Variants in PXDNL observed in about 807,000 individuals in gnomAD.
PXDNL encodes the protein probable oxidoreductase PXDNL.
A neutral mutation model predicts 150.8 loss-of-function variants in PXDNL; 145 were observed. The ratio of observed to expected loss-of-function variants is 0.96; its 90% CI spans 0.84 to 1.10. The LOEUF (loss-of-function observed/expected upper bound fraction) is 1.10, where lower values mean the gene tolerates loss of function less well. PXDNL is among the 50% of genes least tolerant of loss of function. The pLI is 0.00. For synonymous variants in PXDNL, 757 were observed against 725.7 expected (o/e 1.04, Z -0.69); for missense variants, 2,087 against 1,873.9 (o/e 1.11, Z -2.10).
intron 2 of PXDNL, among the ~76,000 whole-genome samples, chr8:51,630,621 C>T (rs1814469383): frequency 6.6e-6 from 1 of 151,958 alleles, no homozygotes; most frequent in Non-Finnish European, 1.5e-5. Flanking sequence ...AAAAAGTAGG[C>T]AAGGGACATA....
intron 1 of PXDNL, among the ~76,000 whole-genome samples, chr8:51,793,670 C>T (rs2037533552): frequency 6.6e-6 from 1 of 152,108 alleles, no homozygotes. Flanking sequence ...GGTCAGATCA[C>T]TAGAGGTCAG....
At chr8:51,775,025 T>C (rs1277880319) in intron 1 of PXDNL, among the ~76,000 whole-genome samples, 2 of 152,208 alleles carry the variant, frequency 1.3e-5, no homozygotes, top group African/African-American at 4.8e-5. Flanking sequence ...AACAGAATGA[T>C]TTATTTCCTT....
chr8:51,627,608 A>T (rs1168328808), intron 2 of PXDNL, among the ~76,000 whole-genome samples: 1 of 152,206 alleles, frequency 6.6e-6, no homozygotes, highest in Non-Finnish European at 1.5e-5. Context: ...ACATTAAAAT[A>T]TCAAGCAGTA....
intron 1 of PXDNL, among the ~76,000 whole-genome samples, chr8:51,732,856 T>C (rs981565701): frequency 1.3e-5 from 2 of 152,128 alleles, no homozygotes; most frequent in Admixed American, 1.3e-4. Flanking sequence ...ATAATTTAAT[T>C]ACCTCCCACT....
At chr8:51,577,510 G>A (rs73588750) in intron 3 of PXDNL, among the ~76,000 whole-genome samples, 7,568 of 148,634 alleles carry the variant, frequency 0.051, 453 homozygotes, top group African/African-American at 0.15. Flanking sequence ...CAAAGAACAA[G>A]AGAGAGAAAA....
At position 51,530,246 on chromosome 8, in the gene PXDNL, C is replaced by T. The variant is rs188303155; in HGVS notation, c.380+26594G>A. ...GATGAGATGGATTAGGGAGAGTATA[C>T]CTAGCGGCAAAAAGGGATCTAGCGA... On this transcript the variant is annotated intron_variant, in intron 4 of 22. Transcript: ENST00000356297. Among the ~76,000 whole-genome samples the T allele has an allele frequency of 1.5e-3, 232 of 152,118 alleles. 2 individuals carry two copies. Among genetic ancestry groups the T allele is most frequent in the Middle Eastern group, 6.8e-3 (2 of 294 alleles).
At chr8:51,585,311 G>A (rs1813299152) in intron 3 of PXDNL, among the ~76,000 whole-genome samples, 1 of 152,134 alleles carries the variant, frequency 6.6e-6, no homozygotes, top group Non-Finnish European at 1.5e-5. Context: ...TGGGAGCCAG[G>A]AGCATCTACA....
chr8:51,453,578 G>A lies in PXDNL; in HGVS notation c.1190C>T (p.Thr397Ile). 2 of 1,614,014 alleles carry A rather than the reference G, an allele frequency of 1.2e-6. No homozygotes were observed. Among genetic ancestry groups the A allele is most frequent in the Non-Finnish European group, 1.7e-6 (2 of 1,179,884 alleles). The stretch of plus-strand genomic sequence containing the variant: ...GCCGTGGCTATTGTTGGCATGACAG[G>A]TAAATCGACCATGATCCCGTTGTGT... ...NITQRDHGRFTCHANNSHGTV... is the reference protein window; with the variant it reads ...NITQRDHGRFICHANNSHGTV... Residue 397 changes from threonine to isoleucine, a missense_variant, in exon 10 of 23, where the codon ACC (threonine) becomes ATC (isoleucine). Transcript: ENST00000356297.
intron 1 of PXDNL, among the ~76,000 whole-genome samples, chr8:51,768,033 CAG>C (rs2037250444): frequency 6.6e-6 from 1 of 152,166 alleles, no homozygotes; most frequent in African/African-American, 2.4e-5. Context: ...TCCTGATTTT[CAG>C]AGTTACCATG....
intron 17 of PXDNL, among the ~76,000 whole-genome samples, chr8:51,394,345 A>G (rs2130847407): frequency 6.6e-6 from 1 of 152,374 alleles, no homozygotes; most frequent in Admixed American, 6.5e-5. Flanking sequence ...CTAAGAGGTT[A>G]ACAAGAAAAA....
At chr8:51,745,271 G>T (rs2036970540) in intron 1 of PXDNL, among the ~76,000 whole-genome samples, 1 of 151,982 alleles carries the variant, frequency 6.6e-6, no homozygotes, top group South Asian at 2.1e-4. Flanking sequence ...TAATTCAATG[G>T]TATGTCAAGA....
chr8:51,417,964 C>T (rs765085956), intron 14 of PXDNL, among the ~76,000 whole-genome samples: 7 of 152,136 alleles, frequency 4.6e-5, no homozygotes, highest in Admixed American at 6.5e-5. Flanking sequence ...TAGATTAAGA[C>T]GTTTTATTTG....
chr8:51,660,182 G>A (rs553618139), intron 1 of PXDNL, among the ~76,000 whole-genome samples: 5 of 98,570 alleles, frequency 5.1e-5, no homozygotes, highest in African/African-American at 1.6e-4. Flanking sequence ...GAGCCACCGC[G>A]CCCAGCCCAC....
At chr8:51,769,615 T>C (rs528623110) in intron 1 of PXDNL, among the ~76,000 whole-genome samples, 4 of 152,356 alleles carry the variant, frequency 2.6e-5, no homozygotes, top group African/African-American at 7.2e-5. Flanking sequence ...ATCATAGATA[T>C]TTCACACTAA....
At chr8:51,359,121 C>T (rs1806628433) in intron 19 of PXDNL, among the ~76,000 whole-genome samples, 1 of 149,738 alleles carries the variant, frequency 6.7e-6, no homozygotes, top group Admixed American at 6.8e-5. Context: ...TAGGTTTCTG[C>T]CATGGAGATA....
chr8:51,434,592 A>T, intron 12 of PXDNL, among the ~76,000 whole-genome samples: 1 of 152,254 alleles, frequency 6.6e-6, no homozygotes, highest in East Asian at 1.9e-4. Context: ...ATTTTCTACC[A>T]TGTAACAAAT....
intron 2 of PXDNL, among the ~76,000 whole-genome samples, chr8:51,651,161 T>C (rs1815025224): frequency 6.6e-6 from 1 of 152,218 alleles, no homozygotes; most frequent in Non-Finnish European, 1.5e-5. Flanking sequence ...TAACTAATTA[T>C]ATGTGATATT....
rs1811751847 is a variant in PXDNL, at chr8:51,525,491, T to C, written c.381-25721A>G. 2.0e-5 allele frequency among the ~76,000 whole-genome samples: 3 copies of C among 152,144 alleles called. No individual in the cohort carries two copies. In the South Asian group the frequency reaches 6.2e-4, roughly 32 times the overall value. On this transcript the variant is annotated intron_variant, in intron 4 of 22. Transcript: ENST00000356297. ...CACATTCAGAAACGTGTCTCCAACT[T>C]AATATAACATCTCTTTTCCCTCCTC...
intron 19 of PXDNL, 124 bp from the exon 20 acceptor site, chr8:51,346,071 TGA>T: frequency 5.1e-6 from 3 of 592,266 alleles, no homozygotes; most frequent in Non-Finnish European, 9.0e-6. Context: ...AGAGCGAGAG[TGA>T]GAGAGACTCA....
Sources: gnomAD v4.1 joint callset for allele counts (sites outside exome capture counted in the v4.1 genomes callset) on GRCh38, gnomAD v4.1.1 for gene constraint, MANE v1.5 for transcripts, NCBI Gene and HGNC (gene_info 2026-07-23, HGNC 2026-07-21) for gene names.